Variants in EIF2AK2 observed in about 807,000 individuals in gnomAD.
The protein encoded by EIF2AK2 is interferon-induced, double-stranded RNA-activated protein kinase.
Under a neutral mutation model 70.5 loss-of-function variants are expected in EIF2AK2, and 40 were observed. That is an observed-to-expected ratio of 0.57 (90% CI 0.44 to 0.74). EIF2AK2 has a LOEUF of 0.74. EIF2AK2 is among the 30% of genes least tolerant of loss of function. EIF2AK2 has a pLI of 0.00. For missense variants in EIF2AK2, 555 were observed against 644.3 expected, an observed-to-expected ratio of 0.86 and a Z score of 1.50; for synonymous variants, 198 against 220.9, an observed-to-expected ratio of 0.90 and a Z score of 0.92.
At chr2:37,149,241 C>A in intron 1 of EIF2AK2, 3 of 1,089,940 alleles carry the variant, frequency 2.8e-6, no homozygotes, top group South Asian at 2.5e-5. Context: ...GACCGCAAGT[C>A]ACAAAGTATG....
intron 11 of EIF2AK2, among the ~76,000 whole-genome samples, chr2:37,123,438 T>G (rs1489380388): frequency 6.6e-6 from 1 of 151,930 alleles, no homozygotes; most frequent in Non-Finnish European, 1.5e-5. Context: ...ATCTAATTTT[T>G]TCTATTTTCT....
In EIF2AK2 at chr2:37,135,471, C is replaced by A. The variant is rs766901413; in HGVS notation, c.785+13G>T. The stretch of plus-strand genomic sequence containing the variant: ...ATTACCCCTTCTTCTTTCTTCAGCA[C>A]TTAAAATCTTACCTCTTGTCCACAG... On this transcript the variant is annotated intron_variant, in intron 10 of 16. Transcript: ENST00000233057. 3 of 1,597,674 alleles carry A rather than the reference C, an allele frequency of 1.9e-6. No individual in the cohort carries two copies. The highest frequency in any genetic ancestry group is 1.7e-6 in the Non-Finnish European group (2 of 1,174,076).
chr2:37,118,313 C>CA (rs200335575), intron 13 of EIF2AK2, among the ~76,000 whole-genome samples: 399 of 149,664 alleles, frequency 2.7e-3, no homozygotes, highest in Non-Finnish European at 1.9e-3. Context: ...GACCTTGTCT[C>CA]AAAAAAAAAT....
At chr2:37,138,009 C>G (rs1213975610) in intron 8 of EIF2AK2, among the ~76,000 whole-genome samples, 2 of 150,694 alleles carry the variant, frequency 1.3e-5, no homozygotes, top group Non-Finnish European at 2.9e-5. Flanking sequence ...ACTCAGGAGG[C>G]TGAGGCAGGA....
Position 37,104,646 on chromosome 2 carries a change from CAATA to C in EIF2AK2, c.*2623_*2626del, listed in dbSNP as rs1347488355. ...TTTGTCTTTTTAAATATCCAGAATA[CAATA>C]AAGATTCAAACATTGCATTTGGTCA... On this transcript the variant is annotated 3_prime_UTR_variant, in exon 17 of 17. Coordinates refer to ENST00000233057, the MANE Select transcript of EIF2AK2 (RefSeq NM_001135651.3). 3 of 151,926 alleles carry C rather than the reference CAATA, an allele frequency of 2.0e-5. No individual in the cohort carries two copies. The highest frequency in any genetic ancestry group is 7.2e-5 in the African/African-American group (3 of 41,400). The allele number at this position is 151,926 out of a possible 1,614,324, so 9.4% of individuals were successfully genotyped here. A position where few individuals can be genotyped will look rare whatever the true frequency, so the allele number is the denominator to read the frequency against.
intron 10 of EIF2AK2, among the ~76,000 whole-genome samples, chr2:37,134,231 AC>A (rs1675045805): frequency 6.6e-6 from 1 of 152,052 alleles, no homozygotes; most frequent in African/African-American, 2.4e-5. Context: ...ATTATTTCAA[AC>A]CTATTACAAC....
At chr2:37,149,231 G>A in intron 1 of EIF2AK2, 1 of 1,092,362 alleles carries the variant, frequency 9.2e-7, no homozygotes, top group Non-Finnish European at 1.4e-6. Context: ...ATGCCACTGT[G>A]ACCGCAAGTC....
chr2:37,153,695 G>T (rs1484233765), intron 1 of EIF2AK2, among the ~76,000 whole-genome samples: 1 of 152,094 alleles, frequency 6.6e-6, no homozygotes, highest in Non-Finnish European at 1.5e-5. Context: ...ATATTCCGTT[G>T]TGTATATATA....
Position 37,138,365 on chromosome 2 carries a change from T to C in EIF2AK2, c.594-2A>G. ...CCTTCAGATGATGATTCAGAAGCGC[T>C]AGAAGAAAAGGGTGTAACTATTAGT... On this transcript the variant is annotated splice_acceptor_variant, in intron 7 of 16. Transcript: ENST00000233057. LOFTEE classifies it high-confidence loss of function. The C allele has an allele frequency of 1.9e-6, 3 of 1,612,908 alleles. No individual in the cohort carries two copies. The highest frequency in any genetic ancestry group is 2.5e-6 in the Non-Finnish European group (3 of 1,179,378).
rs1210373877 is a variant in EIF2AK2, at chr2:37,100,387, G to A, written c.*6886C>T. ...AATGTGTGTTGTTTTAAACCACCAAGTTTGTGGTAATTTGTTAGTTATAGC... is the reference window on the plus strand; with the variant it reads ...AATGTGTGTTGTTTTAAACCACCAAATTTGTGGTAATTTGTTAGTTATAGC... On this transcript the variant is annotated 3_prime_UTR_variant, in exon 17 of 17. Transcript: ENST00000233057. The A allele has an allele frequency of 2.6e-5, 4 of 152,320 alleles. No individual in the cohort carries two copies. The highest frequency in any genetic ancestry group is 5.9e-5 in the Non-Finnish European group (4 of 68,032). The allele number at this position is 152,320 out of a possible 1,614,324, so 9.4% of individuals were successfully genotyped here.
intron 14 of EIF2AK2, among the ~76,000 whole-genome samples, chr2:37,113,498 C>CAAAAAAA (rs61174879): frequency 6.1e-5 from 2 of 33,014 alleles, no homozygotes; most frequent in Admixed American, 3.6e-4. Flanking sequence ...AACTCCATCT[C>CAAAAAAA]AAAAAAAAAA....
intron 3 of EIF2AK2, among the ~76,000 whole-genome samples, 179 bp from the exon 4 acceptor site, chr2:37,147,152 G>A (rs1675574452): frequency 6.6e-6 from 1 of 152,092 alleles, no homozygotes; most frequent in Non-Finnish European, 1.5e-5. Flanking sequence ...GCATGGAAAG[G>A]TTTCTACCCT....
intron 10 of EIF2AK2, among the ~76,000 whole-genome samples, chr2:37,131,088 T>C (rs920904316): frequency 6.6e-6 from 1 of 152,208 alleles, no homozygotes; most frequent in African/African-American, 2.4e-5. Flanking sequence ...TGATTATAGA[T>C]AGCAAATTTT....
rs1023262211 is a variant in EIF2AK2 at position 37,156,894 on chromosome 2, C to A, written c.-184+14G>T. The A allele has an allele frequency of 2.4e-4, 42 of 177,730 alleles. No homozygotes were observed. Among genetic ancestry groups the A allele is most frequent in the African/African-American group, 9.8e-4 (40 of 41,002 alleles). 11.0% of individuals were successfully genotyped at this position (177,730 alleles called of 1,614,324 possible). On this transcript the variant is annotated intron_variant, in intron 1 of 16. Transcript: ENST00000233057. The stretch of plus-strand genomic sequence containing the variant: ...GCTCCCCGCGCTCCCTCGGCTGCCC[C>A]CTGCCCTGCTCACCTGCGCCGCCGC...
chr2:37,133,993 C>A (rs906905845), intron 10 of EIF2AK2, among the ~76,000 whole-genome samples: 14 of 152,186 alleles, frequency 9.2e-5, no homozygotes, highest in Non-Finnish European at 1.6e-4. Context: ...GTTCTATAAA[C>A]CTTACACAAC....
chr2:37,142,524 C>T (rs1233867354), intron 4 of EIF2AK2, among the ~76,000 whole-genome samples: 1 of 150,690 alleles, frequency 6.6e-6, no homozygotes, highest in Non-Finnish European at 1.5e-5. Flanking sequence ...ATAGTAATTT[C>T]AACCATTGTT....
At chr2:37,150,868 T>C (rs113961432) in intron 1 of EIF2AK2, among the ~76,000 whole-genome samples, 3,211 of 152,300 alleles carry the variant, frequency 0.021, 106 homozygotes, top group African/African-American at 0.073. Flanking sequence ...TAGGACAATT[T>C]AACCACTGAG....
intron 10 of EIF2AK2, among the ~76,000 whole-genome samples, chr2:37,128,345 T>C (rs1355455644): frequency 1.3e-5 from 2 of 152,198 alleles, no homozygotes; most frequent in African/African-American, 2.4e-5. Context: ...AGAAAACAGA[T>C]ACAAGTGGAT....
At chr2:37,154,634 C>T (rs944145544) in intron 1 of EIF2AK2, among the ~76,000 whole-genome samples, 2 of 152,108 alleles carry the variant, frequency 1.3e-5, no homozygotes, top group Non-Finnish European at 2.9e-5. Flanking sequence ...CATCTCGGCT[C>T]GCTGCAACCT....
Sources: gnomAD v4.1 joint callset for allele counts (sites outside exome capture counted in the v4.1 genomes callset) on GRCh38, gnomAD v4.1.1 for gene constraint, MANE v1.5 for transcripts, NCBI Gene and HGNC (gene_info 2026-07-23, HGNC 2026-07-21) for gene names.